The following KHSRP variants were observed in gnomAD, a reference collection of about 807,000 sequenced individuals.
The protein encoded by KHSRP is KH-type splicing regulatory protein, also known as far upstream element-binding protein 2.
Under a neutral mutation model 94.9 loss-of-function variants are expected in KHSRP, and 13 were observed. The observed-to-expected ratio is 0.14, with a 90% confidence interval of 0.09 to 0.22. The LOEUF (loss-of-function observed/expected upper bound fraction) is 0.22. Ranked by LOEUF, KHSRP falls within the 10% of genes least tolerant of loss-of-function variation. KHSRP has a pLI of 1.00. For synonymous variants in KHSRP, 495 were observed against 401.4 expected, an observed-to-expected ratio of 1.23 and a Z score of -2.79; for missense variants, 710 against 1,010.0, an observed-to-expected ratio of 0.70 and a Z score of 4.03.
Position 6,415,428 on chromosome 19 carries a change from G to C in KHSRP, c.1918C>G (p.Pro640Ala). 6.3e-7 allele frequency: 1 copy of C among 1,576,496 alleles called. No homozygotes were observed. The change falls in exon 18 of 19, where the codon CCA becomes GCA. Residue 640 changes from proline to alanine, a missense_variant. By Grantham distance (27) the Pro-to-Ala change is conservative (BLOSUM62 -1). This residue lies in a region of KHSRP where 292 missense variants were observed against 340.5 expected (regional missense o/e 0.86). Coordinates refer to ENST00000600480, the MANE Select transcript of KHSRP (RefSeq NM_001366299.1). ...GQQPQQPGAPPQQDYTKAWEE... is the reference protein window; with the variant it reads ...GQQPQQPGAPAQQDYTKAWEE... ...CAAGCCTTCGTGTAGTCCTGCTGTG[G>C]GGGTGCTCCGGGCTGCTGGGGCTGC...
chr19:6,421,547 C>A (rs1790988485), intron 3 of KHSRP, 103 bp downstream of exon 3: 1 of 1,294,882 alleles, frequency 7.7e-7, no homozygotes, highest in Admixed American at 1.7e-5. Context: ...GCACCAGGGG[C>A]CTCTGTAAAG....
In KHSRP at chr19:6,415,233, C is replaced by A. The variant is rs771965691; in HGVS notation, c.2035G>T (p.Ala679Ser). The change falls in exon 19 of 19, where the codon GCG becomes TCG. Residue 679 changes from alanine (A) to serine (S), a missense_variant. By Grantham distance (99) the Ala-to-Ser change is moderately conservative. This residue lies in a region of KHSRP where 292 missense variants were observed against 340.5 expected (regional missense o/e 0.86). Coordinates refer to ENST00000600480, the MANE Select transcript of KHSRP (RefSeq NM_001366299.1). ...GSQPDYSAAW[A>S]EYYRQQAAYY... The stretch of plus-strand genomic sequence containing the variant: ...GCGGCCTGCTGTCTGTAATATTCCG[C>A]CCAGGCGGCACTGTAGTCTGGCTGG... 1 of 1,612,762 alleles carries A rather than the reference C, an allele frequency of 6.2e-7. No homozygotes were observed. The highest frequency in any genetic ancestry group is 2.2e-5 in the East Asian group (1 of 44,880).
chr19:6,421,616 G>A lies in KHSRP; in HGVS notation c.385+34C>T, dbSNP rs200582771. The A allele has an allele frequency of 4.0e-5, 65 of 1,611,938 alleles. No homozygotes were observed. The African/African-American group carries it at 7.2e-4, about 18-fold the overall frequency. ...CTCCTGAAAACCTCAACCCTCTGAAGCCACATATCTGCCACCAGACCCCCT... is the reference window on the plus strand; with the variant it reads ...CTCCTGAAAACCTCAACCCTCTGAAACCACATATCTGCCACCAGACCCCCT... On this transcript the variant is annotated intron_variant, in intron 3 of 18. Coordinates refer to ENST00000600480, the MANE Select transcript of KHSRP (RefSeq NM_001366299.1).
In KHSRP at chr19:6,419,999, A is replaced by G. The variant is rs2092185517; in HGVS notation, c.547+74T>C. The G allele has an allele frequency of 5.2e-6, 6 of 1,155,252 alleles. No homozygotes were observed. The East Asian group carries it at 1.2e-4, about 23-fold the overall frequency. The allele number at this position is 1,155,252 out of a possible 1,614,324, so 71.6% of individuals were successfully genotyped here. On this transcript the variant is annotated intron_variant, in intron 6 of 18. Transcript: ENST00000600480. ...CTTCCTGTCCACAGTCCCCGTGGAA[A>G]TTAAGTAATTAAAGGAAAGTGCAAA...
chr19:6,416,962 C>T (rs1451745341), intron 12 of KHSRP, 25 bp downstream of exon 12: 3 of 1,613,386 alleles, frequency 1.9e-6, no homozygotes, highest in East Asian at 2.2e-5. Flanking sequence ...CCCTGCCAGC[C>T]CCTTCAGCAC....
chr19:6,420,608 C>T (rs2092189458), intron 4 of KHSRP, 137 bp from the exon 5 acceptor site: 4 of 771,324 alleles, frequency 5.2e-6, no homozygotes, highest in Non-Finnish European at 8.9e-6. Context: ...CTGCCAAGGC[C>T]TCAGTTTCCC....
chr19:6,423,894 C>G (rs1331266698), intron 1 of KHSRP, among the ~76,000 whole-genome samples: 2 of 152,218 alleles, frequency 1.3e-5, no homozygotes, highest in African/African-American at 4.8e-5. Flanking sequence ...CGCTTTCAAG[C>G]CACCAAAGCA....
In KHSRP at chr19:6,414,561, C is replaced by A; in HGVS notation, c.*463G>T. The A allele has an allele frequency of 9.8e-7, 1 of 1,021,304 alleles. No homozygotes were observed. The highest frequency in any genetic ancestry group is 1.2e-6 in the Non-Finnish European group (1 of 853,850). The allele number at this position is 1,021,304 out of a possible 1,614,324, so 63.3% of individuals were successfully genotyped here. A position where few individuals can be genotyped will look rare whatever the true frequency, so the allele number is the denominator to read the frequency against. ...AGCCCGGGACACAGGCAAGCGCGAGCGCATGGGAGGCTGAGCCCGGCGGGG... is the reference window on the plus strand; with the variant it reads ...AGCCCGGGACACAGGCAAGCGCGAGAGCATGGGAGGCTGAGCCCGGCGGGG... On this transcript the variant is annotated 3_prime_UTR_variant, in exon 19 of 19. Coordinates refer to ENST00000600480, the MANE Select transcript of KHSRP (RefSeq NM_001366299.1).
At position 6,417,008 on chromosome 19, in the gene KHSRP, G is replaced by C. The variant is rs776697853; in HGVS notation, c.1161C>G (p.Asn387Lys). The C allele has an allele frequency of 6.2e-7, 1 of 1,613,774 alleles. No homozygotes were observed. The highest frequency in any genetic ancestry group is 8.5e-7 in the Non-Finnish European group (1 of 1,179,878). Residue 387 changes from asparagine to lysine, a missense_variant, in exon 12 of 19, where the codon AAC becomes AAG. Physicochemically the swap from Asn to Lys is moderately conservative, Grantham distance 94 (BLOSUM62 0). Coordinates refer to ENST00000600480, the MANE Select transcript of KHSRP (RefSeq NM_001366299.1). ...DRCEHAARIINDLLQSLRSGP... is the reference protein window; with the variant it reads ...DRCEHAARIIKDLLQSLRSGP... Reference sequence around the variant, plus strand: ...CTACCCTGAGGCTCTGGAGGAGGTCGTTGATGATCCGGGCTGCGTGCTCGC... The same window carrying C: ...CTACCCTGAGGCTCTGGAGGAGGTCCTTGATGATCCGGGCTGCGTGCTCGC...
Position 6,418,409 on chromosome 19 carries a change from C to A in KHSRP, c.879+74G>T, listed in dbSNP as rs2092170210. On this transcript the variant is annotated intron_variant, in intron 9 of 18. Transcript: ENST00000600480. The surrounding 1 kb of genome is among the most constrained non-coding windows in gnomAD (Gnocchi z 4.3). ...ACATATCTCTCTGGCGGAATGCAGA[C>A]CCCGAGACCGCTGGCCCTGCCCACC... is the stretch of plus-strand genomic sequence containing the variant. 2.8e-6 allele frequency: 3 copies of A among 1,074,062 alleles called. No individual in the cohort carries two copies. Among genetic ancestry groups the A allele is most frequent in the Non-Finnish European group, 4.2e-6 (3 of 706,688 alleles). 66.5% of individuals were successfully genotyped at this position (1,074,062 alleles called of 1,614,324 possible).
In KHSRP at chr19:6,414,891, G is replaced by A. The variant is rs767384403; in HGVS notation, c.*133C>T. The A allele has an allele frequency of 9.6e-5, 131 of 1,367,866 alleles. No individual in the cohort carries two copies. Among genetic ancestry groups the A allele is most frequent in the South Asian group, 1.2e-4 (7 of 56,568 alleles). 84.7% of individuals were successfully genotyped at this position (1,367,866 alleles called of 1,614,324 possible). A position where few individuals can be genotyped will look rare whatever the true frequency, so the allele number is the denominator to read the frequency against. ...GAGTCTCAGCGCTCCCCAGCATCAC[G>A]ACAGCGGCACACAGGAACAAGCAGC... On this transcript the variant is annotated 3_prime_UTR_variant, in exon 19 of 19. Transcript: ENST00000600480.
intron 3 of KHSRP, 30 bp downstream of exon 3, chr19:6,421,620 C>A (rs1302523264): frequency 6.2e-7 from 1 of 1,612,948 alleles, no homozygotes; most frequent in Non-Finnish European, 8.5e-7. Flanking sequence ...TCTGAAGCCA[C>A]ATATCTGCCA....
Position 6,416,873 on chromosome 19 carries a change from G to T in KHSRP, c.1192C>A (p.Pro398Thr). The T allele has an allele frequency of 3.1e-6, 5 of 1,610,368 alleles. No individual in the cohort carries two copies. The highest frequency in any genetic ancestry group is 4.2e-6 in the Non-Finnish European group (5 of 1,178,526). ...DLLQSLRSGP[P>T]GPPGGPGMPP... is the part of the protein sequence containing the mutation. ...ATGCCTGGACCCCCTGGAGGACCTG[G>T]GGGACCACTCTGCAAGACAAGAGGA... The change falls in exon 13 of 19, where the codon CCA becomes ACA. Residue 398 changes from proline to threonine, a missense_variant. This residue lies in a region of KHSRP where 288 missense variants were observed against 501.1 expected (regional missense o/e 0.57). Coordinates refer to ENST00000600480, the MANE Select transcript of KHSRP (RefSeq NM_001366299.1).
At chr19:6,421,741 C>T (rs940073272) in intron 2 of KHSRP, 53 bp from the exon 3 acceptor site, 134 of 1,601,888 alleles carry the variant, frequency 8.4e-5, no homozygotes, top group Middle Eastern at 1.7e-4. Flanking sequence ...ACGGCCGCCT[C>T]GAACCTGATG....
chr19:6,414,496 T>C lies in KHSRP; in HGVS notation c.*528A>G, dbSNP rs769815455. On this transcript the variant is annotated 3_prime_UTR_variant, in exon 19 of 19. Transcript: ENST00000600480. ...CCCCACAACACCCCTGTGAGGTAGG[T>C]TGGAAGGTGGCAACGATCTTCACGC... The C allele has an allele frequency of 5.6e-6, 6 of 1,073,236 alleles. No homozygotes were observed. The highest frequency in any genetic ancestry group is 4.0e-5 in the South Asian group (1 of 25,124). The allele number at this position is 1,073,236 out of a possible 1,614,324, so 66.5% of individuals were successfully genotyped here.
At position 6,413,748 on chromosome 19, in the gene KHSRP, GAAGAA is replaced by G. The variant is rs2092118185; in HGVS notation, c.*1271_*1275del. ...GGCAGGTTCAGGAAGGCTGGGGGGT[GAAGAA>G]TAGAGACTTTTTAATATATATATAT... On this transcript the variant is annotated 3_prime_UTR_variant, in exon 19 of 19. Transcript: ENST00000600480. The G allele has an allele frequency of 1.3e-5, 2 of 152,076 alleles. No individual in the cohort carries two copies. The highest frequency in any genetic ancestry group is 2.4e-5 in the African/African-American group (1 of 41,270). 9.4% of individuals were successfully genotyped at this position (152,076 alleles called of 1,614,324 possible).
At position 6,424,594 on chromosome 19, in the gene KHSRP, G is replaced by T; in HGVS notation, c.108C>A (p.Gly36=). The T allele has an allele frequency of 2.1e-6, 2 of 948,104 alleles. No homozygotes were observed. The highest frequency in any genetic ancestry group is 5.3e-4 in the Middle Eastern group (1 of 1,878). 58.7% of individuals were successfully genotyped at this position (948,104 alleles called of 1,614,324 possible). Residue 36 remains glycine (G), a synonymous_variant, in exon 1 of 19, where the codon GGC becomes GGA. Coordinates refer to ENST00000600480, the MANE Select transcript of KHSRP (RefSeq NM_001366299.1). Reference sequence around the variant, plus strand: ...GACCGCCGCCGCCCCGGTCCCCCGCGCCTGGCGGGCCCGGCGGAGGGCCTC... The same window carrying T: ...GACCGCCGCCGCCCCGGTCCCCCGCTCCTGGCGGGCCCGGCGGAGGGCCTC... ...AGGGPPPGPP[G]AGDRGGGGPG...
Position 6,414,739 on chromosome 19 carries a change from GAAAA to G in KHSRP, c.*281_*284del. On this transcript the variant is annotated 3_prime_UTR_variant, in exon 19 of 19. Transcript: ENST00000600480. ...ACCAAAAAAGTGATGCAGAGAAGGG[GAAAA>G]AATAGACGTTTTCTTCCCAAGTGGC... 9.4e-7 allele frequency: 1 copy of G among 1,065,248 alleles called. No individual in the cohort carries two copies. The highest frequency in any genetic ancestry group is 1.1e-6 in the Non-Finnish European group (1 of 882,020). The allele number at this position is 1,065,248 out of a possible 1,614,324, so 66.0% of individuals were successfully genotyped here.
At chr19:6,415,326 G>C (rs769977745) in intron 18 of KHSRP, 25 bp from the exon 19 acceptor site, 1 of 1,613,492 alleles carries the variant, frequency 6.2e-7, no homozygotes, top group Non-Finnish European at 8.5e-7. Flanking sequence ...AGGCAGGTGA[G>C]AGGCTGTGGG....
Sources: gnomAD v4.1 joint callset for allele counts (sites outside exome capture counted in the v4.1 genomes callset) on GRCh38, gnomAD v4.1.1 for gene constraint, gnomAD v4.1.1 regional missense constraint, Gnocchi (gnomAD v3.1) non-coding constraint, MANE v1.5 for transcripts, NCBI Gene and HGNC (gene_info 2026-07-23, HGNC 2026-07-21) for gene names.